CA12: variants seen among roughly 807,000 people sequenced by gnomAD.
CA12 encodes the protein carbonic anhydrase 12, also known as carbonate dehydratase XII.
CA12 carries 36 observed loss-of-function variants against 46.8 expected under a neutral mutation model. The ratio of observed to expected loss-of-function variants is 0.77; its 90% CI spans 0.59 to 1.02. The LOEUF is 1.02. Ranked by LOEUF, CA12 falls within the 50% of genes least tolerant of loss-of-function variation. The pLI, the probability that CA12 is intolerant of heterozygous loss-of-function variation, is 0.00. For missense variants in CA12, 436 were observed against 451.4 expected, an observed-to-expected ratio of 0.97 and a Z score of 0.31; for synonymous variants, 202 against 187.0, an observed-to-expected ratio of 1.08 and a Z score of -0.65.
chr15:63,356,388 T>C (rs2039295853), intron 2 of CA12, among the ~76,000 whole-genome samples: 1 of 152,168 alleles, frequency 6.6e-6, no homozygotes, highest in Non-Finnish European at 1.5e-5. Flanking sequence ...GCATCTCAAA[T>C]AAAAAATTAA....
chr15:63,340,389 C>G lies in CA12; in HGVS notation c.646G>C (p.Ala216Pro). Reference protein sequence around the residue: ...NIEELLPERTAEYYRYRGSLT... With the variant: ...NIEELLPERTPEYYRYRGSLT... Reference sequence around the variant, plus strand: ...GACCCCCGGTAGCGGTAATATTCAGCGGTCCTCTCCGGAAGCAGCTCTTCA... The same window carrying G: ...GACCCCCGGTAGCGGTAATATTCAGGGGTCCTCTCCGGAAGCAGCTCTTCA... The change falls in exon 7 of 11, where the codon GCT becomes CCT. Residue 216 changes from alanine (A) to proline (P), a missense_variant. Ala to Pro is a conservative substitution (Grantham distance 27, BLOSUM62 -1). Coordinates refer to ENST00000178638, the MANE Select transcript of CA12 (RefSeq NM_001218.5). This position sits in a 1 kb window ranked among gnomAD's most constrained non-coding sequence, Gnocchi z 4.4. 6.2e-7 allele frequency: 1 copy of G among 1,614,100 alleles called. No individual in the cohort carries two copies. The highest frequency in any genetic ancestry group is 8.5e-7 in the Non-Finnish European group (1 of 1,179,984).
intron 2 of CA12, among the ~76,000 whole-genome samples, chr15:63,367,370 G>A (rs2039449563): frequency 6.6e-6 from 1 of 152,274 alleles, no homozygotes; most frequent in East Asian, 1.9e-4. Context: ...TTTCTTCCAC[G>A]ACATTGAGAG....
chr15:63,354,394 C>T (rs960306797), intron 2 of CA12, among the ~76,000 whole-genome samples: 2 of 152,174 alleles, frequency 1.3e-5, no homozygotes, highest in African/African-American at 4.8e-5. Context: ...TTAATCCATA[C>T]TTTGCATCAA....
At chr15:63,366,437 T>C (rs1392100) in intron 2 of CA12, among the ~76,000 whole-genome samples, 7,078 of 152,262 alleles carry the variant, frequency 0.046, 422 homozygotes, top group African/African-American at 0.13. Flanking sequence ...TCCAAAATAC[T>C]GAGTGAGGTC....
At chr15:63,354,840 C>A (rs1208985849) in intron 2 of CA12, among the ~76,000 whole-genome samples, 1 of 152,126 alleles carries the variant, frequency 6.6e-6, no homozygotes, top group African/African-American at 2.4e-5. Context: ...AGCCCTCCAC[C>A]CACCCTCAGG....
At position 63,327,085 on chromosome 15, in the gene CA12, C is replaced by T; in HGVS notation, c.992+64G>A. On this transcript the variant is annotated intron_variant, in intron 10 of 10. Transcript: ENST00000178638. The surrounding 1 kb of genome is among the most constrained non-coding windows in gnomAD (Gnocchi z 4.5). ...TCTTCATGCCACAAAGCTGCCTTCCCAGGCAGACTAATCATCATGGACACA... is the reference window on the plus strand; with the variant it reads ...TCTTCATGCCACAAAGCTGCCTTCCTAGGCAGACTAATCATCATGGACACA... 2.8e-6 allele frequency: 4 copies of T among 1,438,170 alleles called. No individual in the cohort carries two copies. Among genetic ancestry groups the T allele is most frequent in the South Asian group, 1.2e-5 (1 of 86,704 alleles). The allele number at this position is 1,438,170 out of a possible 1,614,324, so 89.1% of individuals were successfully genotyped here.
In CA12 at chr15:63,329,913, A is replaced by G. The variant is rs2038913756; in HGVS notation, c.875-1783T>C. 6.6e-6 allele frequency among the ~76,000 whole-genome samples: 1 copy of G among 152,190 alleles called. No homozygotes were observed. The highest frequency in any genetic ancestry group is 6.5e-5 in the Admixed American group (1 of 15,282). On this transcript the variant is annotated intron_variant, in intron 8 of 10. Transcript: ENST00000178638. The surrounding 1 kb of genome is among the most constrained non-coding windows in gnomAD (Gnocchi z 4.8). Reference sequence around the variant, plus strand: ...GCTTTTCCGATTGTCTTTTTCTGCAATCTCACATTGAACCTGCAGAGCCTC... The same window carrying G: ...GCTTTTCCGATTGTCTTTTTCTGCAGTCTCACATTGAACCTGCAGAGCCTC...
chr15:63,366,280 G>A (rs951384219), intron 2 of CA12, among the ~76,000 whole-genome samples: 1 of 152,060 alleles, frequency 6.6e-6, no homozygotes, highest in Non-Finnish European at 1.5e-5. Context: ...GGAATCTCCA[G>A]AACATAGCAG....
At chr15:63,342,321 C>T (rs2039089163) in intron 4 of CA12, among the ~76,000 whole-genome samples, 1 of 152,132 alleles carries the variant, frequency 6.6e-6, no homozygotes, top group Non-Finnish European at 1.5e-5. Flanking sequence ...AGACATAATA[C>T]ATCAATCAAT....
At chr15:63,352,686 G>A (rs1282495390) in intron 2 of CA12, among the ~76,000 whole-genome samples, 2 of 152,102 alleles carry the variant, frequency 1.3e-5, no homozygotes, top group Non-Finnish European at 2.9e-5. Context: ...TGCCCCAAAG[G>A]ATACCACTGT....
intron 2 of CA12, among the ~76,000 whole-genome samples, chr15:63,353,709 A>G (rs1208668490): frequency 3.3e-5 from 5 of 152,064 alleles, no homozygotes; most frequent in Admixed American, 3.3e-4. Context: ...TGGTGTCTGC[A>G]TGTAAAAGCC....
At chr15:63,351,617 C>G (rs985957768) in intron 2 of CA12, among the ~76,000 whole-genome samples, 2 of 152,184 alleles carry the variant, frequency 1.3e-5, no homozygotes, top group Non-Finnish European at 2.9e-5. Context: ...TCACAAATGC[C>G]GTTATGAAAA....
chr15:63,364,330 T>TAAAA (rs2039407555), intron 2 of CA12, among the ~76,000 whole-genome samples: 1 of 2,198 alleles, frequency 4.5e-4, no homozygotes, highest in Non-Finnish European at 1.8e-3. Context: ...ACCCCGTCAC[T>TAAAA]AGAAAAAAAA....
intron 2 of CA12, among the ~76,000 whole-genome samples, chr15:63,367,263 T>C (rs2039448481): frequency 6.6e-6 from 1 of 152,174 alleles, no homozygotes; most frequent in Non-Finnish European, 1.5e-5. Context: ...AGAATAGACA[T>C]TTGCTCAAGT....
rs1177995624 is a variant in CA12, at chr15:63,341,523, A to G, written c.525+479T>C. On this transcript the variant is annotated intron_variant, in intron 5 of 10. Coordinates refer to ENST00000178638, the MANE Select transcript of CA12 (RefSeq NM_001218.5). The surrounding 1 kb of genome is among the most constrained non-coding windows in gnomAD (Gnocchi z 5.2). The stretch of plus-strand genomic sequence containing the variant: ...GGTGGAACAGTTTCATCCCAAAACC[A>G]TCTCCCTCCCTGGTCCATGGTCCGT... 6.6e-6 allele frequency among the ~76,000 whole-genome samples: 1 copy of G among 152,182 alleles called. No individual in the cohort carries two copies. Among genetic ancestry groups the G allele is most frequent in the Non-Finnish European group, 1.5e-5 (1 of 68,026 alleles).
chr15:63,379,363 T>C (rs1477547323), intron 1 of CA12, among the ~76,000 whole-genome samples: 2 of 152,038 alleles, frequency 1.3e-5, no homozygotes, highest in Admixed American at 6.5e-5. Context: ...TCTCTAAAAG[T>C]GTGTGTATGT....
At chr15:63,344,165 G>A (rs1352857340) in intron 4 of CA12, among the ~76,000 whole-genome samples, 1 of 152,208 alleles carries the variant, frequency 6.6e-6, no homozygotes, top group Non-Finnish European at 1.5e-5. Context: ...CTAGATGAAT[G>A]CACAAGTGAC....
chr15:63,322,602 T>G lies in CA12; in HGVS notation c.*3683A>C, dbSNP rs1458884955. ...TATGGCTCTCACTGCTATGCCTCCC[T>G]GATCATTCAGCCAGTGGATGTGGAA... On this transcript the variant is annotated 3_prime_UTR_variant, in exon 11 of 11. Transcript: ENST00000178638. The surrounding 1 kb of genome is among the most constrained non-coding windows in gnomAD (Gnocchi z 4.1). 6.6e-6 allele frequency: 1 copy of G among 152,254 alleles called. No homozygotes were observed. Among genetic ancestry groups the G allele is most frequent in the Non-Finnish European group, 1.5e-5 (1 of 68,054 alleles). The allele number at this position is 152,254 out of a possible 1,614,324, so 9.4% of individuals were successfully genotyped here. A position where few individuals can be genotyped will look rare whatever the true frequency, so the allele number is the denominator to read the frequency against.
At position 63,348,355 on chromosome 15, in the gene CA12, G is replaced by A. The variant is rs2152619050; in HGVS notation, c.107-1646C>T. 6.6e-6 allele frequency among the ~76,000 whole-genome samples: 1 copy of A among 152,298 alleles called. No individual in the cohort carries two copies. Among genetic ancestry groups the A allele is most frequent in the Middle Eastern group, 3.4e-3 (1 of 294 alleles). Reference sequence around the variant, plus strand: ...GTGACTAGGGAAGAGGGAGGCTGGAGGATATCAAAGCAGGCACTCCAGGGC... The same window carrying A: ...GTGACTAGGGAAGAGGGAGGCTGGAAGATATCAAAGCAGGCACTCCAGGGC... On this transcript the variant is annotated intron_variant, in intron 2 of 10. Transcript: ENST00000178638. This position sits in a 1 kb window ranked among gnomAD's most constrained non-coding sequence, Gnocchi z 4.6.
Sources: gnomAD v4.1 joint callset for allele counts (sites outside exome capture counted in the v4.1 genomes callset) on GRCh38, gnomAD v4.1.1 for gene constraint, Gnocchi (gnomAD v3.1) non-coding constraint, MANE v1.5 for transcripts, NCBI Gene and HGNC (gene_info 2026-07-23, HGNC 2026-07-21) for gene names.